The following GRIA4 variants were observed in gnomAD, a reference collection of about 807,000 sequenced individuals.
GRIA4 encodes the protein glutamate receptor 4.
GRIA4 carries 34 observed loss-of-function variants against 104.0 expected under a neutral mutation model. The ratio of observed to expected loss-of-function variants is 0.33; its 90% confidence interval spans 0.25 to 0.44. GRIA4 has a LOEUF of 0.44. GRIA4 is among the 20% of genes least tolerant of loss of function. The pLI is 1.00. For synonymous variants in GRIA4, 386 were observed against 381.9 expected (o/e 1.01, Z -0.13); for missense variants, 750 against 1,096.5 (o/e 0.68, Z 4.46).
intron 4 of GRIA4, among the ~76,000 whole-genome samples, chr11:105,817,876 C>T (rs1943441178): frequency 6.6e-6 from 1 of 152,064 alleles, no homozygotes. Context: ...AGCCAAAGGA[C>T]ATGCATCAGA....
At chr11:105,624,061 T>A (rs954056129) in intron 3 of GRIA4, among the ~76,000 whole-genome samples, 9 of 152,096 alleles carry the variant, frequency 5.9e-5, no homozygotes, top group Non-Finnish European at 1.3e-4. Context: ...ATGAAGACAA[T>A]GGGATAGTAG....
At chr11:105,870,975 AT>A (rs995677031) in intron 5 of GRIA4, among the ~76,000 whole-genome samples, 7 of 152,020 alleles carry the variant, frequency 4.6e-5, no homozygotes, top group Non-Finnish European at 5.9e-5. Flanking sequence ...TGTAGACTAT[AT>A]TTTTTATAGT....
intron 3 of GRIA4, among the ~76,000 whole-genome samples, chr11:105,647,972 AAAT>A (rs1951577651): frequency 6.6e-6 from 1 of 151,454 alleles, no homozygotes. Context: ...ATAAATAAAT[AAAT>A]AAATAAATAA....
At chr11:105,861,200 C>T (rs1342704180) in intron 4 of GRIA4, among the ~76,000 whole-genome samples, 1 of 152,036 alleles carries the variant, frequency 6.6e-6, no homozygotes, top group African/African-American at 2.4e-5. Flanking sequence ...AATAAACACC[C>T]CCACCTGCAT....
At position 105,634,517 on chromosome 11, in the gene GRIA4, AAAG is replaced by A. The variant is rs770694759; in HGVS notation, c.247+22086_247+22088del. ...AGAAAGAAAGAAAGAAAGAAAGAAG[AAAG>A]AAAGAAAGAAAAGAAAGAAAAAGAA... On this transcript the variant is annotated intron_variant, in intron 3 of 16. Transcript: ENST00000282499. Among the ~76,000 whole-genome samples the A allele has an allele frequency of 1.1e-4, 5 of 45,006 alleles. 1 individual carries two copies. In the East Asian group the frequency reaches 3.1e-3, roughly 28 times the overall value. 29.5% of individuals were successfully genotyped at this position (45,006 alleles called of 152,430 possible).
intron 16 of GRIA4, chr11:105,974,781 A>G: frequency 2.3e-6 from 1 of 437,888 alleles, no homozygotes; most frequent in Non-Finnish European, 4.1e-6. Flanking sequence ...ATAAAAACAA[A>G]CCAGAATTGC....
intron 3 of GRIA4, among the ~76,000 whole-genome samples, chr11:105,657,597 C>G (rs1056864279): frequency 1.3e-5 from 2 of 151,882 alleles, no homozygotes; most frequent in African/African-American, 4.8e-5. Flanking sequence ...CAGGGGCTGG[C>G]TTATAATACT....
At chr11:105,915,413 A>G (rs974302138) in intron 10 of GRIA4, among the ~76,000 whole-genome samples, 2 of 152,230 alleles carry the variant, frequency 1.3e-5, no homozygotes, top group East Asian at 1.9e-4. Context: ...AAAAACTGAA[A>G]AAATGAAAGA....
At chr11:105,837,293 G>T (rs1323786654) in intron 4 of GRIA4, among the ~76,000 whole-genome samples, 1 of 152,070 alleles carries the variant, frequency 6.6e-6, no homozygotes, top group African/African-American at 2.4e-5. Context: ...CCATATCACA[G>T]TAGGATGGTT....
At chr11:105,715,515 AG>A (rs1954061499) in intron 3 of GRIA4, among the ~76,000 whole-genome samples, 1 of 152,216 alleles carries the variant, frequency 6.6e-6, no homozygotes, top group Non-Finnish European at 1.5e-5. Context: ...AAGTCAGACC[AG>A]GAAGAGGTCA....
chr11:105,873,867 G>T (rs1945715921), intron 5 of GRIA4, among the ~76,000 whole-genome samples: 1 of 152,230 alleles, frequency 6.6e-6, no homozygotes, highest in African/African-American at 2.4e-5. Flanking sequence ...TCTGTAGGTT[G>T]CCTGTTCACT....
intron 4 of GRIA4, among the ~76,000 whole-genome samples, chr11:105,796,207 C>T (rs754291443): frequency 6.6e-6 from 1 of 152,148 alleles, no homozygotes; most frequent in Non-Finnish European, 1.5e-5. Flanking sequence ...TATCCATTAT[C>T]CTAAAATCAA....
chr11:105,714,750 G>T (rs1012536993), intron 3 of GRIA4, among the ~76,000 whole-genome samples: 13 of 152,028 alleles, frequency 8.6e-5, no homozygotes, highest in Non-Finnish European at 1.5e-4. Context: ...ATACTGAACA[G>T]AATAATTATT....
At chr11:105,872,573 G>T (rs776723910) in intron 5 of GRIA4, among the ~76,000 whole-genome samples, 41 of 152,040 alleles carry the variant, frequency 2.7e-4, no homozygotes, top group Admixed American at 2.4e-3. Context: ...CCTCCCTAAT[G>T]ATATATCCCT....
intron 3 of GRIA4, among the ~76,000 whole-genome samples, chr11:105,734,155 T>C (rs993000609): frequency 1.3e-5 from 2 of 151,008 alleles, no homozygotes; most frequent in African/African-American, 2.4e-5. Flanking sequence ...GCATTTTCCC[T>C]TGAATTTTCT....
intron 3 of GRIA4, among the ~76,000 whole-genome samples, chr11:105,722,581 T>C (rs1937898613): frequency 6.6e-6 from 1 of 152,192 alleles, no homozygotes; most frequent in African/African-American, 2.4e-5. Context: ...AATTCATGTT[T>C]TTATCAATAG....
At chr11:105,888,613 T>C (rs1946361442) in intron 6 of GRIA4, among the ~76,000 whole-genome samples, 2 of 152,118 alleles carry the variant, frequency 1.3e-5, no homozygotes, top group Admixed American at 1.3e-4. Context: ...TGACACTTTT[T>C]TTTAATGACT....
chr11:105,977,430 G>A (rs1046270248), intron 16 of GRIA4, among the ~76,000 whole-genome samples: 5 of 151,886 alleles, frequency 3.3e-5, no homozygotes, highest in African/African-American at 4.8e-5. Context: ...GATTAGACTC[G>A]TGGATATTCA....
intron 14 of GRIA4, among the ~76,000 whole-genome samples, chr11:105,944,687 T>C (rs1948263883): frequency 6.6e-6 from 1 of 152,188 alleles, no homozygotes; most frequent in Non-Finnish European, 1.5e-5. Context: ...TTTATCTTCA[T>C]CTGGACAGAT....
Sources: allele counts gnomAD v4.1 joint callset (sites outside exome capture counted in the v4.1 genomes callset), GRCh38; gene constraint gnomAD v4.1.1; transcripts MANE v1.5; gene names NCBI Gene and HGNC (gene_info 2026-07-23, HGNC 2026-07-21).